Variants in ACYP2 observed in about 807,000 individuals in gnomAD.
ACYP2 encodes the protein acylphosphatase-2.
A neutral mutation model predicts 11.2 loss-of-function variants in ACYP2; 12 were observed. The ratio of observed to expected loss-of-function variants is 1.08; its 90% CI spans 0.69 to 1.74. ACYP2 has a LOEUF of 1.74. Ranked by LOEUF, ACYP2 falls within the 40% of genes most tolerant of loss-of-function variation. The pLI, the probability that ACYP2 is intolerant of heterozygous loss-of-function variation, is 0.00. For missense variants in ACYP2, 134 were observed against 101.9 expected (o/e 1.31, Z -1.35); for synonymous variants, 43 against 32.2 (o/e 1.33, Z -1.13).
At chr2:53,992,830 C>CA (rs535748279) in intron 2 of ACYP2, among the ~76,000 whole-genome samples, 42,008 of 100,270 alleles carry the variant, frequency 0.42, 7,028 homozygotes, top group South Asian at 0.53. Flanking sequence ...AACTCCATCT[C>CA]AAAAAAAAAA....
intron 4 of ACYP2, among the ~76,000 whole-genome samples, chr2:54,112,274 C>G (rs1159832318): frequency 6.6e-6 from 1 of 152,136 alleles, no homozygotes; most frequent in African/African-American, 2.4e-5. Flanking sequence ...TAACACAAAG[C>G]CTAGTTATTC....
chr2:54,018,028 C>T (rs760772741), intron 2 of ACYP2, among the ~76,000 whole-genome samples: 1 of 152,130 alleles, frequency 6.6e-6, no homozygotes, highest in African/African-American at 2.4e-5. Context: ...CACATCTTCA[C>T]TCTCCCCTCC....
chr2:54,062,918 C>T (rs1364307553), intron 4 of ACYP2, among the ~76,000 whole-genome samples: 2 of 152,114 alleles, frequency 1.3e-5, no homozygotes, highest in Non-Finnish European at 2.9e-5. Flanking sequence ...CTTCTCTGTT[C>T]TAGTTATTAA....
At chr2:54,269,769 G>A (rs577812766) in intron 6 of ACYP2, among the ~76,000 whole-genome samples, 1 of 152,246 alleles carries the variant, frequency 6.6e-6, no homozygotes, top group South Asian at 2.1e-4. Context: ...CTGTTCCCTT[G>A]TTCCACCTCA....
At chr2:53,992,912 G>A (rs6545377) in intron 2 of ACYP2, among the ~76,000 whole-genome samples, 1 of 150,858 alleles carries the variant, frequency 6.6e-6, no homozygotes, top group East Asian at 2.0e-4. Flanking sequence ...TCAGAAAAAA[G>A]GTTTTATGGC....
chr2:54,224,837 G>A (rs1438018488), intron 6 of ACYP2, among the ~76,000 whole-genome samples: 1 of 152,140 alleles, frequency 6.6e-6, no homozygotes, highest in Non-Finnish European at 1.5e-5. Context: ...ACGTTGTAAG[G>A]TTTAGATGAA....
chr2:54,050,280 G>A (rs1675773867), intron 2 of ACYP2, among the ~76,000 whole-genome samples: 1 of 152,112 alleles, frequency 6.6e-6, no homozygotes. Context: ...AGGTGCTGTG[G>A]CTCTTGCCTG....
At chr2:54,246,393 T>C (rs981326021) in intron 6 of ACYP2, among the ~76,000 whole-genome samples, 1 of 152,162 alleles carries the variant, frequency 6.6e-6, no homozygotes, top group Non-Finnish European at 1.5e-5. Flanking sequence ...TCTTCCCCTT[T>C]GTACAAGTCT....
chr2:54,235,087 A>G (rs919446971), intron 6 of ACYP2, among the ~76,000 whole-genome samples: 2 of 152,092 alleles, frequency 1.3e-5, no homozygotes, highest in Non-Finnish European at 2.9e-5. Context: ...GACCCCTATT[A>G]TTTCTGTATT....
chr2:53,994,223 G>A (rs1400341902), intron 2 of ACYP2, among the ~76,000 whole-genome samples: 3 of 151,100 alleles, frequency 2.0e-5, no homozygotes, highest in Admixed American at 6.6e-5. Flanking sequence ...CCAGCTACTC[G>A]GAAGGCTGAG....
intron 2 of ACYP2, among the ~76,000 whole-genome samples, chr2:54,013,621 G>C (rs892223114): frequency 6.6e-6 from 1 of 151,242 alleles, no homozygotes; most frequent in Non-Finnish European, 1.5e-5. Flanking sequence ...AACTTTAACC[G>C]ATGTATTATT....
At chr2:54,118,896 G>A (rs1257178858) in intron 4 of ACYP2, among the ~76,000 whole-genome samples, 1 of 151,980 alleles carries the variant, frequency 6.6e-6, no homozygotes, top group South Asian at 2.1e-4. Flanking sequence ...GCCAAGCTCT[G>A]TACTCAACAT....
At chr2:54,005,020 T>C (rs1356145175) in intron 2 of ACYP2, among the ~76,000 whole-genome samples, 1 of 152,140 alleles carries the variant, frequency 6.6e-6, no homozygotes, top group African/African-American at 2.4e-5. Context: ...GTGTGGCTTG[T>C]CTTCTCACTC....
chr2:54,095,676 C>A (rs1464476364), intron 4 of ACYP2, among the ~76,000 whole-genome samples: 1 of 137,916 alleles, frequency 7.3e-6, no homozygotes, highest in African/African-American at 2.8e-5. Context: ...CCCCCCACCT[C>A]CCTCCTGGAC....
intron 4 of ACYP2, among the ~76,000 whole-genome samples, chr2:54,072,103 A>C (rs986833653): frequency 2.0e-5 from 3 of 152,220 alleles, no homozygotes; most frequent in African/African-American, 7.2e-5. Context: ...GAATTAAAAT[A>C]CTTAGGAGTG....
chr2:53,973,855 A>ATG (rs573137716), intron 2 of ACYP2: 1,559 of 124,330 alleles, frequency 0.013, 31 homozygotes, highest in East Asian at 0.023. Flanking sequence ...GGATATATAT[A>ATG]TGTGTGTGTG....
rs1553373981 is a variant in ACYP2 at position 54,115,897 on chromosome 2, C to CGGGGGGGGGGGGGGGGGG, written c.278-19552_278-19551insGGGGGGGGGGGGGGGGGG. ...CTCCGCCATGACACAGCAGCGGCGG[C>CGGGGGGGGGGGGGGGGGG]GGGGAGGGAGGCGAAACGCGCATGC... On this transcript the variant is annotated intron_variant, in intron 4 of 6. Coordinates refer to ENST00000607452, the MANE Select transcript of ACYP2 (RefSeq NM_001320586.2). 6.1e-6 allele frequency: 7 copies of CGGGGGGGGGGGGGGGGGG among 1,139,392 alleles called. No homozygotes were observed. The African/African-American group carries it at 1.5e-4, about 25-fold the overall frequency. The allele number at this position is 1,139,392 out of a possible 1,614,324, so 70.6% of individuals were successfully genotyped here. A position where few individuals can be genotyped will look rare whatever the true frequency, so the allele number is the denominator to read the frequency against.
At chr2:54,192,724 A>C (rs187109035) in intron 6 of ACYP2, among the ~76,000 whole-genome samples, 203 of 152,344 alleles carry the variant, frequency 1.3e-3, no homozygotes, top group African/African-American at 4.6e-3. Flanking sequence ...GGTAATTTAT[A>C]AAGAGAAGAG....
intron 4 of ACYP2, among the ~76,000 whole-genome samples, chr2:54,124,863 C>A (rs919977852): frequency 6.6e-6 from 1 of 152,094 alleles, no homozygotes; most frequent in African/African-American, 2.4e-5. Context: ...CTATCATGTG[C>A]TATCTAAGAC....
Sources: gnomAD v4.1 joint callset for allele counts (sites outside exome capture counted in the v4.1 genomes callset) on GRCh38, gnomAD v4.1.1 for gene constraint, MANE v1.5 for transcripts, NCBI Gene and HGNC (gene_info 2026-07-23, HGNC 2026-07-21) for gene names.